PKHD1: variants seen among roughly 807,000 people sequenced by gnomAD.
PKHD1 encodes fibrocystin.
In PKHD1, 291 loss-of-function variants were observed where a neutral mutation model predicts 412.0. That is an observed-to-expected ratio of 0.71 (90% CI 0.64 to 0.78). The LOEUF (loss-of-function observed/expected upper bound fraction) is 0.78. Ranked by LOEUF, PKHD1 falls within the 30% of genes least tolerant of loss-of-function variation. The pLI, the probability that PKHD1 is intolerant of heterozygous loss-of-function variation, is 0.00. For synonymous variants in PKHD1, 1,777 were observed against 1,821.5 expected, an observed-to-expected ratio of 0.98 and a Z score of 0.62; for missense variants, 4,825 against 4,950.7, an observed-to-expected ratio of 0.97 and a Z score of 0.76.
Position 51,616,229 on chromosome 6 carries a change from C to G in PKHD1, c.*2852G>C, listed in dbSNP as rs1416834585. 1 of 154,732 alleles carries G rather than the reference C, an allele frequency of 6.5e-6. No homozygotes were observed. Among genetic ancestry groups the G allele is most frequent in the African/African-American group, 2.4e-5 (1 of 41,574 alleles). The allele number at this position is 154,732 out of a possible 1,614,324, so 9.6% of individuals were successfully genotyped here. A position where few individuals can be genotyped will look rare whatever the true frequency, so the allele number is the denominator to read the frequency against. On this transcript the variant is annotated 3_prime_UTR_variant, in exon 67 of 67. Transcript: ENST00000371117. Reference sequence around the variant, plus strand: ...AAATGTACTTTCAAACACTTTTGAACTCTCTAGAATTTTAGCTTGTCCAAT... The same window carrying G: ...AAATGTACTTTCAAACACTTTTGAAGTCTCTAGAATTTTAGCTTGTCCAAT...
intron 7 of PKHD1, 49 bp from the exon 8 acceptor site, chr6:52,072,238 T>C (rs1382830691): frequency 2.7e-6 from 3 of 1,109,364 alleles, no homozygotes; most frequent in East Asian, 2.4e-5. Flanking sequence ...AATTGTGCAA[T>C]ACTCCCAATA....
Position 51,867,887 on chromosome 6 carries a change from A to T in PKHD1, c.7709T>A (p.Leu2570His). ...CAAACCAATAGACATACGATGAAAAAGAACACCTCCTCCACAGGCACTGCC... is the reference window on the plus strand; with the variant it reads ...CAAACCAATAGACATACGATGAAAATGAACACCTCCTCCACAGGCACTGCC... ...VHGSACGGGV[L>H]FHRMSIGLAN... The change falls in exon 48 of 67, where the codon CTT becomes CAT. Residue 2570 changes from leucine (L) to histidine (H), a missense_variant. Leu to His is a moderately conservative substitution (Grantham distance 99). Transcript: ENST00000371117. The T allele has an allele frequency of 6.2e-7, 1 of 1,613,454 alleles. No individual in the cohort carries two copies. Among genetic ancestry groups the T allele is most frequent in the South Asian group, 1.1e-5 (1 of 91,070 alleles).
At chr6:52,000,439 A>G (rs977178460) in intron 35 of PKHD1, among the ~76,000 whole-genome samples, 6 of 152,344 alleles carry the variant, frequency 3.9e-5, no homozygotes, top group Admixed American at 3.3e-4. Context: ...TCCTATAGTC[A>G]AAAACAAAAA....
intron 35 of PKHD1, among the ~76,000 whole-genome samples, chr6:51,995,767 A>T (rs908123122): frequency 1.3e-5 from 2 of 152,234 alleles, no homozygotes; most frequent in Non-Finnish European, 2.9e-5. Flanking sequence ...ACATTCTACG[A>T]GGTAGGAGTT....
At chr6:52,061,681 G>A (rs1036786664) in intron 14 of PKHD1, among the ~76,000 whole-genome samples, 5 of 147,126 alleles carry the variant, frequency 3.4e-5, no homozygotes, top group East Asian at 2.3e-4. Flanking sequence ...GGTAAAAACC[G>A]CAATTACTTT....
In PKHD1 at chr6:51,801,416, C is replaced by T. The variant is rs147219880; in HGVS notation, c.8303-10043G>A. Among the ~76,000 whole-genome samples the T allele has an allele frequency of 4.0e-3, 612 of 152,224 alleles. 4 individuals are homozygous for T. The highest frequency in any genetic ancestry group is 0.014 in the African/African-American group (572 of 41,546). ...ATGTGCTAGAAGATAAGGATGCAGT[C>T]TTTCTATAACTAAACTCTTTTCAAA... On this transcript the variant is annotated intron_variant, in intron 52 of 66. Coordinates refer to ENST00000371117, the MANE Select transcript of PKHD1 (RefSeq NM_138694.4).
chr6:51,947,478 T>C (rs1789644450), intron 36 of PKHD1, among the ~76,000 whole-genome samples: 1 of 152,224 alleles, frequency 6.6e-6, no homozygotes. Context: ...TGGTATCTAA[T>C]TTCATGTCTT....
chr6:51,654,457 A>G (rs1042747294), intron 61 of PKHD1, among the ~76,000 whole-genome samples: 3 of 152,108 alleles, frequency 2.0e-5, no homozygotes, highest in South Asian at 2.1e-4. Context: ...GGAATAAAAA[A>G]CATTGGCATG....
intron 7 of PKHD1, 23 bp from the exon 8 acceptor site, chr6:52,072,212 A>G: frequency 6.8e-7 from 1 of 1,464,342 alleles, no homozygotes; most frequent in Non-Finnish European, 9.6e-7. Context: ...AAAAATGAAA[A>G]CAAAAGACAA....
intron 13 of PKHD1, among the ~76,000 whole-genome samples, chr6:52,063,985 A>G (rs1026602061): frequency 6.6e-6 from 1 of 152,230 alleles, no homozygotes; most frequent in African/African-American, 2.4e-5. Flanking sequence ...CAGGAAACAC[A>G]CATTATCTTG....
rs576071273 is a variant in PKHD1 at position 51,741,515 on chromosome 6, C to T, written c.10156+2870G>A. On this transcript the variant is annotated intron_variant, in intron 60 of 66. Transcript: ENST00000371117. ...CCCAAAGCATCCCCCAAAGTCCTGA[C>T]AGAAAAGAAAGGTAAGCTCCAAGAC... is the stretch of plus-strand genomic sequence containing the variant. 3.9e-4 allele frequency among the ~76,000 whole-genome samples: 60 copies of T among 152,140 alleles called. 4 individuals carry two copies. In the South Asian group the frequency reaches 0.012, roughly 30 times the overall value.
chr6:52,005,204 A>G (rs1447298866), intron 35 of PKHD1, among the ~76,000 whole-genome samples: 1 of 152,110 alleles, frequency 6.6e-6, no homozygotes, highest in Non-Finnish European at 1.5e-5. Context: ...TGCCCCAGTT[A>G]TCTCTCACCT....
At chr6:51,999,113 G>A (rs1316841691) in intron 35 of PKHD1, among the ~76,000 whole-genome samples, 1 of 152,146 alleles carries the variant, frequency 6.6e-6, no homozygotes, top group Non-Finnish European at 1.5e-5. Flanking sequence ...GCTCAAAGCT[G>A]GAATGCACCA....
intron 55 of PKHD1, among the ~76,000 whole-genome samples, chr6:51,768,795 T>C (rs1244438634): frequency 6.6e-6 from 1 of 151,716 alleles, no homozygotes; most frequent in African/African-American, 2.4e-5. Flanking sequence ...AGGAATCCTT[T>C]AATGTTTATT....
intron 65 of PKHD1, among the ~76,000 whole-genome samples, chr6:51,631,273 C>CA (rs1767892725): frequency 6.6e-6 from 1 of 152,026 alleles, no homozygotes; most frequent in African/African-American, 2.4e-5. Context: ...GAAGGAAAAA[C>CA]AAAAAACTGC....
intron 35 of PKHD1, among the ~76,000 whole-genome samples, chr6:51,965,027 T>C (rs970391275): frequency 4.6e-5 from 7 of 152,154 alleles, no homozygotes; most frequent in African/African-American, 1.4e-4. Flanking sequence ...ATAACATTTA[T>C]TCTCCCAATT....
intron 41 of PKHD1, among the ~76,000 whole-genome samples, 156 bp downstream of exon 41, chr6:51,906,056 GACT>G (rs1782024302): frequency 6.6e-6 from 1 of 152,106 alleles, no homozygotes; most frequent in Admixed American, 6.6e-5. Flanking sequence ...AATCAGTGAT[GACT>G]ACATTTAAAT....
At chr6:52,048,728 A>C in intron 22 of PKHD1, 109 bp from the exon 23 acceptor site, 1 of 1,324,160 alleles carries the variant, frequency 7.6e-7, no homozygotes, top group Non-Finnish European at 1.1e-6. Context: ...TTCCAGAAAG[A>C]GCTAAGGGAC....
intron 52 of PKHD1, among the ~76,000 whole-genome samples, chr6:51,807,485 ATGTGTGTGTG>A (rs567506746): frequency 4.5e-5 from 5 of 111,768 alleles, no homozygotes; most frequent in East Asian, 2.5e-4. Context: ...ATATATGTAT[ATGTGTGTGTG>A]TGTGTGTGTG....
Sources: gnomAD v4.1 joint callset for allele counts (sites outside exome capture counted in the v4.1 genomes callset) on GRCh38, gnomAD v4.1.1 for gene constraint, MANE v1.5 for transcripts, NCBI Gene and HGNC (gene_info 2026-07-23, HGNC 2026-07-21) for gene names.